SLC24A4: variants seen among roughly 807,000 people sequenced by gnomAD.
SLC24A4 encodes solute carrier family 24 member 4, also known as sodium/potassium/calcium exchanger 4.
A neutral mutation model predicts 79.0 loss-of-function variants in SLC24A4; 53 were observed. The observed-to-expected ratio is 0.67, with a 90% confidence interval of 0.54 to 0.84. The LOEUF is 0.84. SLC24A4 is among the 40% of genes least tolerant of loss of function. The pLI, the probability that SLC24A4 is intolerant of heterozygous loss-of-function variation, is 0.00. For missense variants in SLC24A4, 731 were observed against 822.0 expected (o/e 0.89, Z 1.35); for synonymous variants, 323 against 323.8 (o/e 1.00, Z 0.03).
intron 2 of SLC24A4, among the ~76,000 whole-genome samples, chr14:92,347,328 T>C (rs538879729): frequency 6.6e-6 from 1 of 152,200 alleles, no homozygotes; most frequent in Non-Finnish European, 1.5e-5. Context: ...GACTGGTGTG[T>C]CCATTCGTGA....
intron 2 of SLC24A4, among the ~76,000 whole-genome samples, chr14:92,407,608 G>A (rs1890462086): frequency 6.6e-6 from 1 of 152,114 alleles, no homozygotes; most frequent in Non-Finnish European, 1.5e-5. Context: ...CAAAGGGGAA[G>A]CAAGTACCTC....
At chr14:92,477,786 T>C (rs63500361) in intron 12 of SLC24A4, among the ~76,000 whole-genome samples, 1 of 1,796 alleles carries the variant, frequency 5.6e-4, no homozygotes, top group African/African-American at 6.8e-4. Context: ...TCTTTTCTCT[T>C]TTTTTTTTTT....
At chr14:92,423,154 T>TTCATTTG (rs1891376666) in intron 2 of SLC24A4, among the ~76,000 whole-genome samples, 1 of 95,882 alleles carries the variant, frequency 1.0e-5, no homozygotes. Flanking sequence ...ATTTCATTTT[T>TTCATTTG]TTTTGAGACA....
Position 92,486,741 on chromosome 14 carries a change from G to A in SLC24A4, c.1498G>A (p.Val500Ile). 6.2e-7 allele frequency: 1 copy of A among 1,614,164 alleles called. No homozygotes were observed. Among genetic ancestry groups the A allele is most frequent in the Non-Finnish European group, 8.5e-7 (1 of 1,180,032 alleles). ...GITFLAAGTS[V>I]PDCMASLIVA... is the part of the protein sequence containing the mutation. ...TACTTTCCTGGCAGCAGGGACAAGT[G>A]TTCCAGACTGCATGGCCAGCCTAAT... Residue 500 changes from valine to isoleucine, a missense_variant, in exon 14 of 17, where the codon GTT becomes ATT. Val to Ile is a conservative substitution (Grantham distance 29, BLOSUM62 3). Transcript: ENST00000532405.
chr14:92,442,113 G>GC lies in SLC24A4; in HGVS notation c.419dup (p.Gly141TrpfsTer83). ...GAGACTCCATCTGAGCGAAGATGTG[G>GC]CTGGAGCCACCTTCATGGCTGCAGG... is the stretch of plus-strand genomic sequence containing the variant. On this transcript the variant is annotated frameshift_variant, in exon 5 of 17. Transcript: ENST00000532405. LOFTEE classifies it high-confidence loss of function. 3 of 1,613,988 alleles carry GC rather than the reference G, an allele frequency of 1.9e-6. No homozygotes were observed. Among genetic ancestry groups the GC allele is most frequent in the Non-Finnish European group, 2.5e-6 (3 of 1,179,924 alleles).
chr14:92,475,428 A>G (rs999453283), intron 12 of SLC24A4, among the ~76,000 whole-genome samples: 6 of 152,218 alleles, frequency 3.9e-5, no homozygotes, highest in African/African-American at 4.8e-5. Context: ...TTTGCAACCC[A>G]GTCAGGAGAG....
chr14:92,446,915 G>A (rs1036002479), intron 8 of SLC24A4, among the ~76,000 whole-genome samples: 4 of 152,208 alleles, frequency 2.6e-5, no homozygotes, highest in African/African-American at 7.2e-5. Context: ...CGCATATTCA[G>A]TCAGCTCTCA....
chr14:92,346,985 G>A (rs553136420), intron 2 of SLC24A4, among the ~76,000 whole-genome samples: 80 of 152,096 alleles, frequency 5.3e-4, no homozygotes, highest in Non-Finnish European at 9.8e-4. Flanking sequence ...GTCAGGGTTC[G>A]GCTGAGCTAC....
At chr14:92,440,339 G>A (rs530321363) in intron 4 of SLC24A4, among the ~76,000 whole-genome samples, 1 of 152,278 alleles carries the variant, frequency 6.6e-6, no homozygotes, top group South Asian at 2.1e-4. Flanking sequence ...AGGAGGGTGA[G>A]GAACAGAGTC....
intron 12 of SLC24A4, chr14:92,457,646 C>T (rs113384345): frequency 1.3e-5 from 2 of 152,594 alleles, no homozygotes; most frequent in African/African-American, 4.8e-5. Context: ...CGCCTGCCTT[C>T]GTCTTTAACT....
chr14:92,323,916 T>G lies in SLC24A4; in HGVS notation c.86T>G (p.Val29Gly), dbSNP rs754056091. The change falls in exon 1 of 17, where the codon GTG becomes GGG. Residue 29 changes from valine to glycine, a missense_variant. Physicochemically the swap from Val to Gly is moderately radical, Grantham distance 109. Transcript: ENST00000532405. This position sits in a 1 kb window ranked among gnomAD's most constrained non-coding sequence, Gnocchi z 4.9. ...CAGCAAGTCGGCTTCGTGTGCGCGG[T>G]GCTGGCCCTGGTGTGCTGTGCGTCC... ...LPQQVGFVCAVLALVCCASGL... is the reference protein window; with the variant it reads ...LPQQVGFVCAGLALVCCASGL... 9.3e-6 allele frequency: 15 copies of G among 1,610,874 alleles called. No individual in the cohort carries two copies. In the South Asian group the frequency reaches 1.6e-4, roughly 18 times the overall value.
At chr14:92,418,866 TA>T (rs1178334069) in intron 2 of SLC24A4, among the ~76,000 whole-genome samples, 1 of 152,172 alleles carries the variant, frequency 6.6e-6, no homozygotes, top group Non-Finnish European at 1.5e-5. Context: ...CACGCCTGGC[TA>T]ATTTTTGTAT....
chr14:92,444,788 G>A (rs1051733304), intron 7 of SLC24A4, among the ~76,000 whole-genome samples: 9 of 152,120 alleles, frequency 5.9e-5, no homozygotes, highest in African/African-American at 2.2e-4. Context: ...CTGGGAGACG[G>A]AGGTTGCAGT....
chr14:92,461,051 T>G (rs1460697587), intron 12 of SLC24A4, among the ~76,000 whole-genome samples: 2 of 152,192 alleles, frequency 1.3e-5, no homozygotes, highest in Non-Finnish European at 2.9e-5. Flanking sequence ...TCTGCAGTGC[T>G]GGCACCGCCC....
intron 2 of SLC24A4, among the ~76,000 whole-genome samples, chr14:92,395,466 C>CAT (rs1555365406): frequency 1.3e-5 from 2 of 151,024 alleles, no homozygotes. Flanking sequence ...CACACACACA[C>CAT]GAAACTATCC....
chr14:92,466,616 C>T (rs1489584748), intron 12 of SLC24A4, among the ~76,000 whole-genome samples: 1 of 152,208 alleles, frequency 6.6e-6, no homozygotes, highest in Non-Finnish European at 1.5e-5. Flanking sequence ...ACTGGGAAAA[C>T]TTCAGTGCTT....
At chr14:92,430,016 C>T (rs1891776897) in intron 2 of SLC24A4, among the ~76,000 whole-genome samples, 1 of 152,256 alleles carries the variant, frequency 6.6e-6, no homozygotes, top group South Asian at 2.1e-4. Flanking sequence ...ACTTGTCCTA[C>T]AGACCAGGCA....
chr14:92,474,702 CGTGTGTGT>C (rs1566795062), intron 12 of SLC24A4, among the ~76,000 whole-genome samples: 43 of 4,228 alleles, frequency 0.01, no homozygotes, highest in Middle Eastern at 0.5. Flanking sequence ...TGTATATATA[CGTGTGTGT>C]ATATATATAT....
intron 2 of SLC24A4, among the ~76,000 whole-genome samples, chr14:92,336,150 C>T (rs1336423960): frequency 1.3e-5 from 2 of 151,902 alleles, no homozygotes; most frequent in East Asian, 3.8e-4. Context: ...TCCTCTTGAA[C>T]CCTGAGGAAC....
Sources: allele counts gnomAD v4.1 joint callset (sites outside exome capture counted in the v4.1 genomes callset), GRCh38; gene constraint gnomAD v4.1.1; non-coding constraint Gnocchi (gnomAD v3.1); transcripts MANE v1.5; gene names NCBI Gene and HGNC (gene_info 2026-07-23, HGNC 2026-07-21).